The following DGKB variants were observed in gnomAD, a reference collection of about 807,000 sequenced individuals.
The protein encoded by DGKB is 90 kDa diacylglycerol kinase.
Under a neutral mutation model 114.3 loss-of-function variants are expected in DGKB, and 67 were observed. That is an observed-to-expected ratio of 0.59 (90% confidence interval 0.48 to 0.72). DGKB has a LOEUF of 0.72. Among genes scored for constraint, DGKB ranks in the 30% least tolerant of loss-of-function variants. The probability of loss-of-function intolerance (pLI) is 0.00; values close to 1 mark genes in which losing one functional copy is unlikely to be tolerated. For missense variants in DGKB, 907 were observed against 975.2 expected (o/e 0.93, Z 0.93); for synonymous variants, 398 against 323.1 (o/e 1.23, Z -2.49).
intron 5 of DGKB, among the ~76,000 whole-genome samples, chr7:14,721,968 T>G (rs1829242901): frequency 6.6e-6 from 1 of 152,196 alleles, no homozygotes; most frequent in African/African-American, 2.4e-5. Flanking sequence ...TCTTGCTTAC[T>G]TCAAATATCT....
chr7:14,158,743 C>G lies in DGKB; in HGVS notation c.2305-9505G>C, dbSNP rs151153719. Among the ~76,000 whole-genome samples the G allele has an allele frequency of 5.8e-3, 883 of 152,194 alleles. 9 individuals are homozygous for G. Among genetic ancestry groups the G allele is most frequent in the African/African-American group, 0.02 (850 of 41,526 alleles). On this transcript the variant is annotated intron_variant, in intron 25 of 25. Transcript: ENST00000402815. The stretch of plus-strand genomic sequence containing the variant: ...GGAGAATAATTCAGTTGAAATAGTA[C>G]TGGATTAGAGAGGAAACTGATTGTT...
At chr7:14,627,552 G>T (rs1225686277) in intron 14 of DGKB, among the ~76,000 whole-genome samples, 1 of 151,818 alleles carries the variant, frequency 6.6e-6, no homozygotes, top group African/African-American at 2.4e-5. Flanking sequence ...GTACATGGCA[G>T]CACCATTATA....
At chr7:14,725,378 A>G (rs1829866213) in intron 5 of DGKB, among the ~76,000 whole-genome samples, 1 of 152,128 alleles carries the variant, frequency 6.6e-6, no homozygotes, top group African/African-American at 2.4e-5. Flanking sequence ...TATTCTCAGT[A>G]ATTTGAATAT....
intron 21 of DGKB, among the ~76,000 whole-genome samples, chr7:14,422,537 C>T (rs924811954): frequency 1.4e-4 from 21 of 151,938 alleles, no homozygotes; most frequent in African/African-American, 5.1e-4. Context: ...GACACAAAAT[C>T]ATTCCAGGCT....
chr7:14,512,802 G>A (rs1255276927), intron 20 of DGKB, among the ~76,000 whole-genome samples: 1 of 151,986 alleles, frequency 6.6e-6, no homozygotes, highest in Non-Finnish European at 1.5e-5. Flanking sequence ...TGAAACACCA[G>A]AAATTATAAA....
At chr7:14,931,166 C>T (rs1784998686) in intron 1 of DGKB, among the ~76,000 whole-genome samples, 1 of 147,144 alleles carries the variant, frequency 6.8e-6, no homozygotes, top group Non-Finnish European at 1.5e-5. Flanking sequence ...GGCTAGAGTG[C>T]AGTGGTGCTA....
intron 25 of DGKB, among the ~76,000 whole-genome samples, chr7:14,172,862 C>G (rs1781212065): frequency 6.6e-6 from 1 of 152,084 alleles, no homozygotes; most frequent in African/African-American, 2.4e-5. Context: ...ACCCTCCACC[C>G]CAAGCTGCTC....
Position 14,958,426 on chromosome 7 carries a change from A to AACACAGAC in DGKB, c.-188+16269_-188+16270insGTCTGTGT, listed in dbSNP as rs1786641867. On this transcript the variant is annotated intron_variant, in intron 1 of 4. Transcript: ENST00000437998. ...CAAACCCCACACCAATACCTCTCCCAACACACACACACACACACACACACA... is the reference window on the plus strand; with the variant it reads ...CAAACCCCACACCAATACCTCTCCCAACACAGACACACACACACACACACACACACACA... Among the ~76,000 whole-genome samples, 3 of 122,816 alleles carry AACACAGAC rather than the reference A, an allele frequency of 2.4e-5. No individual in the cohort carries two copies. In the East Asian group the frequency reaches 8.0e-4, roughly 33 times the overall value. The allele number at this position is 122,816 out of a possible 152,430, so 80.6% of individuals were successfully genotyped here. A position where few individuals can be genotyped will look rare whatever the true frequency, so the allele number is the denominator to read the frequency against.
At chr7:14,183,568 T>C (rs1782952704) in intron 23 of DGKB, among the ~76,000 whole-genome samples, 1 of 152,186 alleles carries the variant, frequency 6.6e-6, no homozygotes. Flanking sequence ...GCAGGCTCCC[T>C]GCTAAGGGAT....
chr7:14,165,517 C>G (rs1037063605), intron 25 of DGKB, among the ~76,000 whole-genome samples: 1 of 152,076 alleles, frequency 6.6e-6, no homozygotes, highest in Non-Finnish European at 1.5e-5. Flanking sequence ...TATATTTAGG[C>G]TTTAGTAGCT....
chr7:14,626,784 TA>T lies in DGKB; in HGVS notation c.1167+3451del, dbSNP rs879701250. 2.2e-4 allele frequency among the ~76,000 whole-genome samples: 34 copies of T among 152,220 alleles called. 1 individual carries two copies. Among genetic ancestry groups the T allele is most frequent in the Non-Finnish European group, 4.6e-4 (31 of 68,042 alleles). On this transcript the variant is annotated intron_variant, in intron 14 of 25. Transcript: ENST00000402815. ...TTGATTGTTTTTAATTATAAAGTTT[TA>T]AAGATAAATATAATAAACGATATAA...
intron 20 of DGKB, among the ~76,000 whole-genome samples, chr7:14,491,825 A>G (rs193266404): frequency 1.3e-5 from 2 of 152,168 alleles, no homozygotes; most frequent in East Asian, 1.9e-4. Context: ...TATTGTAATC[A>G]TAGTAATTAA....
At chr7:14,207,499 G>T (rs546504063) in intron 23 of DGKB, among the ~76,000 whole-genome samples, 1 of 152,128 alleles carries the variant, frequency 6.6e-6, no homozygotes, top group African/African-American at 2.4e-5. Flanking sequence ...TTGGACTCAT[G>T]CACAGAAGCA....
intron 5 of DGKB, among the ~76,000 whole-genome samples, chr7:14,721,954 CAA>C (rs1829238614): frequency 6.6e-6 from 1 of 152,136 alleles, no homozygotes; most frequent in South Asian, 2.1e-4. Flanking sequence ...TTTCTTCACT[CAA>C]GTCTTGCTTA....
rs369447999 is a variant in DGKB at position 14,911,731 on chromosome 7, G to A, written c.-188+62965C>T. On this transcript the variant is annotated intron_variant, in intron 1 of 4. Coordinates refer to the DGKB transcript ENST00000437998. ...CCTTAGCTATAGGAAAAGCATCTGG[G>A]TACTATGATCCAAAACTGCAAAACT... Among the ~76,000 whole-genome samples the A allele has an allele frequency of 5.7e-4, 87 of 152,210 alleles. 2 individuals carry two copies. In the East Asian group the frequency reaches 0.015, roughly 26 times the overall value.
chr7:14,504,155 A>C (rs190489220), intron 20 of DGKB, among the ~76,000 whole-genome samples: 7 of 152,346 alleles, frequency 4.6e-5, no homozygotes, highest in Non-Finnish European at 1.0e-4. Flanking sequence ...GACTAGCTGT[A>C]CTTGGCATAG....
chr7:14,603,780 AT>A, intron 17 of DGKB, among the ~76,000 whole-genome samples: 1 of 152,236 alleles, frequency 6.6e-6, no homozygotes, highest in East Asian at 1.9e-4. Flanking sequence ...TAATTTACAT[AT>A]TTTAAAGTTA....
intron 3 of DGKB, among the ~76,000 whole-genome samples, chr7:14,757,025 G>A (rs1041293974): frequency 6.6e-6 from 1 of 152,006 alleles, no homozygotes; most frequent in Non-Finnish European, 1.5e-5. Flanking sequence ...GACATGCAAA[G>A]TTTTCATAAG....
At chr7:14,424,698 C>A (rs765883851) in intron 21 of DGKB, among the ~76,000 whole-genome samples, 3 of 152,082 alleles carry the variant, frequency 2.0e-5, no homozygotes, top group Non-Finnish European at 2.9e-5. Context: ...TCCTTGTTCT[C>A]CATGAACTGC....
Sources: allele counts gnomAD v4.1 joint callset (sites outside exome capture counted in the v4.1 genomes callset), GRCh38; gene constraint gnomAD v4.1.1; transcripts MANE v1.5; gene names NCBI Gene and HGNC (gene_info 2026-07-23, HGNC 2026-07-21).